The following RBM33 variants were observed in gnomAD, a reference collection of about 807,000 sequenced individuals.
RBM33 encodes the protein RNA-binding protein 33.
A neutral mutation model predicts 132.6 loss-of-function variants in RBM33; 28 were observed. The ratio of observed to expected loss-of-function variants is 0.21; its 90% CI spans 0.16 to 0.29. The LOEUF (loss-of-function observed/expected upper bound fraction) is 0.29, where lower values mean the gene tolerates loss of function less well. Among genes scored for constraint, RBM33 ranks in the 10% least tolerant of loss-of-function variants. The pLI is 1.00. For missense variants in RBM33, 1,291 were observed against 1,518.5 expected (o/e 0.85, Z 2.49); for synonymous variants, 634 against 593.0 (o/e 1.07, Z -1.01).
intron 6 of RBM33, among the ~76,000 whole-genome samples, chr7:155,702,383 A>G (rs746134754): frequency 2.6e-5 from 4 of 152,214 alleles, no homozygotes; most frequent in Non-Finnish European, 5.9e-5. Flanking sequence ...CTAGTTTACT[A>G]CTACTCCATC....
At chr7:155,700,740 G>T in intron 5 of RBM33, 33 bp from the exon 6 acceptor site, 1 of 1,453,652 alleles carries the variant, frequency 6.9e-7, no homozygotes, top group Non-Finnish European at 9.3e-7. Context: ...TGAACTTACT[G>T]TCCTTTTTTT....
At chr7:155,658,125 A>G (rs1045877279) in intron 1 of RBM33, among the ~76,000 whole-genome samples, 1 of 152,116 alleles carries the variant, frequency 6.6e-6, no homozygotes, top group Non-Finnish European at 1.5e-5. Flanking sequence ...CATTTGCTAC[A>G]TCAATTTTGG....
intron 14 of RBM33, among the ~76,000 whole-genome samples, chr7:155,755,095 G>T (rs979643058): frequency 2.0e-5 from 3 of 152,202 alleles, no homozygotes; most frequent in Admixed American, 2.0e-4. Flanking sequence ...CGTACAGCAT[G>T]CATATCATTT....
chr7:155,668,378 C>T (rs1046431420), intron 2 of RBM33, among the ~76,000 whole-genome samples: 6 of 152,108 alleles, frequency 3.9e-5, no homozygotes, highest in African/African-American at 1.4e-4. Flanking sequence ...AGCGTGTCTT[C>T]TAGAATTTTT....
At chr7:155,682,633 C>T (rs1178646513) in intron 5 of RBM33, among the ~76,000 whole-genome samples, 2 of 152,296 alleles carry the variant, frequency 1.3e-5, no homozygotes, top group Admixed American at 1.3e-4. Context: ...CTAAGCACTG[C>T]GGACACAAAT....
At position 155,761,958 on chromosome 7, in the gene RBM33, A is replaced by G. The variant is rs543913305; in HGVS notation, c.2980-1854A>G. Among the ~76,000 whole-genome samples the G allele has an allele frequency of 2.0e-5, 3 of 152,188 alleles. No individual in the cohort carries two copies. In the East Asian group the frequency reaches 5.8e-4, roughly 29 times the overall value. ...ATGTGTTGTATTTTTGTTTCCATTC[A>G]GTTTAAATATTTTTTGTTCAGTGTT... On this transcript the variant is annotated intron_variant, in intron 14 of 17. Transcript: ENST00000401878.
At chr7:155,676,566 T>G (rs1203379567) in intron 3 of RBM33, among the ~76,000 whole-genome samples, 1 of 152,180 alleles carries the variant, frequency 6.6e-6, no homozygotes, top group African/African-American at 2.4e-5. Flanking sequence ...CTTGTTTCTC[T>G]CCCCATGGGA....
chr7:155,758,881 C>T (rs937379233), intron 14 of RBM33, among the ~76,000 whole-genome samples: 2 of 152,090 alleles, frequency 1.3e-5, no homozygotes, highest in South Asian at 2.1e-4. Flanking sequence ...AACCAAGTAG[C>T]TGCATCCCAA....
At chr7:155,668,226 G>A (rs1196647712) in intron 2 of RBM33, among the ~76,000 whole-genome samples, 1 of 152,086 alleles carries the variant, frequency 6.6e-6, no homozygotes, top group African/African-American at 2.4e-5. Flanking sequence ...TACACAGTGT[G>A]GATATGTGTC....
At chr7:155,661,806 G>A (rs1410784926) in intron 1 of RBM33, among the ~76,000 whole-genome samples, 1 of 152,068 alleles carries the variant, frequency 6.6e-6, no homozygotes, top group East Asian at 1.9e-4. Context: ...TATTTATAAT[G>A]GCTACTTACA....
intron 14 of RBM33, among the ~76,000 whole-genome samples, chr7:155,750,076 A>G (rs888566323): frequency 3.0e-4 from 46 of 152,366 alleles, no homozygotes; most frequent in African/African-American, 1.1e-3. Context: ...AATGCTGCTT[A>G]TAAGTAGTGT....
intron 15 of RBM33, among the ~76,000 whole-genome samples, 158 bp downstream of exon 15, chr7:155,764,176 A>G (rs539886937): frequency 1.4e-4 from 21 of 152,230 alleles, no homozygotes; most frequent in African/African-American, 4.6e-4. Context: ...ACGCGTTAAC[A>G]TTTTCACCAA....
chr7:155,724,342 A>C (rs1800715565), intron 9 of RBM33, among the ~76,000 whole-genome samples: 1 of 152,124 alleles, frequency 6.6e-6, no homozygotes, highest in South Asian at 2.1e-4. Flanking sequence ...CAGCCTGGGC[A>C]ACATGGTGAA....
chr7:155,673,408 GTGTGTGTGT>G lies in RBM33; in HGVS notation c.171+494_171+502del, dbSNP rs1563137135. ...GTATATCTATTTATATATATTGTGTGTGTGTGTGTGTGTGTGTGTGTGTGTGTGTGTGTA... is the reference window on the plus strand; with the variant it reads ...GTATATCTATTTATATATATTGTGTGGTGTGTGTGTGTGTGTGTGTGTGTA... On this transcript the variant is annotated intron_variant, in intron 3 of 17. Transcript: ENST00000401878. Among the ~76,000 whole-genome samples the G allele has an allele frequency of 5.0e-3, 730 of 144,910 alleles. 8 individuals carry two copies. The highest frequency in any genetic ancestry group is 6.7e-3 in the Non-Finnish European group (437 of 65,706).
intron 9 of RBM33, among the ~76,000 whole-genome samples, chr7:155,735,062 G>A (rs529898225): frequency 1.3e-5 from 2 of 152,232 alleles, no homozygotes; most frequent in African/African-American, 4.8e-5. Context: ...ATCGTAAGTT[G>A]GACCATTGTA....
At chr7:155,763,294 C>G (rs768996737) in intron 14 of RBM33, among the ~76,000 whole-genome samples, 6 of 152,196 alleles carry the variant, frequency 3.9e-5, no homozygotes, top group African/African-American at 1.4e-4. Flanking sequence ...TTGAAGTTCA[C>G]GTATCCACAG....
chr7:155,765,682 A>T (rs925867206), intron 15 of RBM33, among the ~76,000 whole-genome samples: 1 of 152,226 alleles, frequency 6.6e-6, no homozygotes, highest in Non-Finnish European at 1.5e-5. Flanking sequence ...TACATTGGGC[A>T]CATATGTTCT....
chr7:155,745,564 A>G lies in RBM33; in HGVS notation c.2941A>G (p.Ile981Val), dbSNP rs980018130. 3 of 1,607,728 alleles carry G rather than the reference A, an allele frequency of 1.9e-6. No individual in the cohort carries two copies. The highest frequency in any genetic ancestry group is 1.3e-5 in the African/African-American group (1 of 74,942). Residue 981 changes from isoleucine (I) to valine (V), a missense_variant, in exon 14 of 18, where the codon ATC becomes GTC. Physicochemically the swap from Ile to Val is conservative, Grantham distance 29. This residue lies in a region of RBM33 where 841 missense variants were observed against 912.0 expected (regional missense o/e 0.92). Coordinates refer to ENST00000401878, the MANE Select transcript of RBM33 (RefSeq NM_053043.3). This position sits in a 1 kb window ranked among gnomAD's most constrained non-coding sequence, Gnocchi z 4.1. Reference sequence around the variant, plus strand: ...CAGTGGTGGTGGAGACGGGCCCCACATCAGCTCCAAGGTCAGGGTGATTAA... The same window carrying G: ...CAGTGGTGGTGGAGACGGGCCCCACGTCAGCTCCAAGGTCAGGGTGATTAA... ...TNSGGGDGPH[I>V]SSKVRVIKLS... is the part of the protein sequence containing the mutation.
At chr7:155,729,957 C>G (rs1800907714) in intron 9 of RBM33, among the ~76,000 whole-genome samples, 1 of 152,182 alleles carries the variant, frequency 6.6e-6, no homozygotes, top group Admixed American at 6.5e-5. Context: ...TTCCTTCATT[C>G]AGCCATTCAG....
Sources: allele counts gnomAD v4.1 joint callset (sites outside exome capture counted in the v4.1 genomes callset), GRCh38; gene constraint gnomAD v4.1.1; regional missense constraint gnomAD v4.1.1; non-coding constraint Gnocchi (gnomAD v3.1); transcripts MANE v1.5; gene names NCBI Gene and HGNC (gene_info 2026-07-23, HGNC 2026-07-21).